The following VOPP1 variants were observed in gnomAD, a reference collection of about 807,000 sequenced individuals.
VOPP1 encodes WW domain binding protein VOPP1.
A neutral mutation model predicts 23.5 loss-of-function variants in VOPP1; 8 were observed. That is an observed-to-expected ratio of 0.34 (90% CI 0.20 to 0.61). The LOEUF (loss-of-function observed/expected upper bound fraction) is 0.61. Ranked by LOEUF, VOPP1 falls within the 20% of genes least tolerant of loss-of-function variation. The probability of loss-of-function intolerance (pLI) is 0.78; values close to 1 mark genes in which losing one functional copy is unlikely to be tolerated. For synonymous variants in VOPP1, 83 were observed against 97.3 expected, an observed-to-expected ratio of 0.85 and a Z score of 0.86; for missense variants, 174 against 238.1, an observed-to-expected ratio of 0.73 and a Z score of 1.77.
intron 1 of VOPP1, among the ~76,000 whole-genome samples, chr7:55,562,603 G>C (rs1476444632): frequency 6.6e-6 from 1 of 152,216 alleles, no homozygotes; most frequent in Non-Finnish European, 1.5e-5. Flanking sequence ...CCAAGGAGCA[G>C]AGTGAGGGGG....
At chr7:55,482,190 A>G (rs556540570) in intron 4 of VOPP1, among the ~76,000 whole-genome samples, 22 of 152,308 alleles carry the variant, frequency 1.4e-4, no homozygotes, top group Non-Finnish European at 1.5e-5. Context: ...ACGCAAAAAA[A>G]AACTGATAAG....
chr7:55,514,560 C>A (rs1321134776), intron 2 of VOPP1, among the ~76,000 whole-genome samples: 2 of 152,176 alleles, frequency 1.3e-5, no homozygotes, highest in African/African-American at 4.8e-5. Flanking sequence ...TTCTATGGGC[C>A]AGGCCCTGAA....
chr7:55,572,361 GGTCGCAGGCGCGCTTCGCGACT>G lies in VOPP1; in HGVS notation c.-59_-38del, dbSNP rs1398925992. The G allele has an allele frequency of 7.7e-7, 1 of 1,301,852 alleles. No homozygotes were observed. Among genetic ancestry groups the G allele is most frequent in the Non-Finnish European group, 9.8e-7 (1 of 1,024,760 alleles). 80.6% of individuals were successfully genotyped at this position (1,301,852 alleles called of 1,614,324 possible). A position where few individuals can be genotyped will look rare whatever the true frequency, so the allele number is the denominator to read the frequency against. On this transcript the variant is annotated 5_prime_UTR_variant, in exon 1 of 5. Coordinates refer to ENST00000285279, the MANE Select transcript of VOPP1 (RefSeq NM_030796.5). ...TCCTCTCCAGCGCGCCCGGACGCCG[GGTCGCAGGCGCGCTTCGCGACT>G]CGGCCCCCGCGCGGGGCGGGCGGGC...
intron 2 of VOPP1, among the ~76,000 whole-genome samples, chr7:55,517,892 C>T (rs995450840): frequency 6.6e-6 from 1 of 152,128 alleles, no homozygotes; most frequent in African/African-American, 2.4e-5. Context: ...TATTAAATAT[C>T]TGGACCGGTG....
intron 1 of VOPP1, among the ~76,000 whole-genome samples, chr7:55,564,439 T>A (rs969647515): frequency 6.6e-6 from 1 of 152,080 alleles, no homozygotes; most frequent in African/African-American, 2.4e-5. Flanking sequence ...ATCTTTCCTC[T>A]CAGTATTAAA....
At position 55,559,087 on chromosome 7, in the gene VOPP1, T is replaced by C. The variant is rs1469648925; in HGVS notation, c.54+13184A>G. Among the ~76,000 whole-genome samples the C allele has an allele frequency of 5.3e-5, 8 of 152,282 alleles. No homozygotes were observed. The East Asian group carries it at 1.2e-3, about 22-fold the overall frequency. On this transcript the variant is annotated intron_variant, in intron 1 of 4. Transcript: ENST00000285279. ...TATCCAGTGGATAGTAACGGTTTTT[T>C]AGTCTGCTCCCTCATCATCAGAGGG...
downstream of VOPP1, among the ~76,000 whole-genome samples, chr7:55,469,693 C>G (rs144065868): frequency 2.9e-3 from 439 of 152,314 alleles, 1 homozygote; most frequent in Non-Finnish European, 4.6e-3. Flanking sequence ...TTACTGCCAG[C>G]ACTGCCTGCT....
chr7:55,455,123 A>T (rs1791334583), intron 4 of VOPP1, among the ~76,000 whole-genome samples: 1 of 152,206 alleles, frequency 6.6e-6, no homozygotes, highest in African/African-American at 2.4e-5. Context: ...CAGGATACAA[A>T]ATCAACACGC....
intron 3 of VOPP1, 143 bp from the exon 4 acceptor site, chr7:55,492,561 C>T: frequency 1.9e-6 from 2 of 1,043,118 alleles, no homozygotes; most frequent in Non-Finnish European, 1.3e-6. Flanking sequence ...AAGGGCAGAG[C>T]CATGAGGCTC....
chr7:55,563,803 T>G (rs141851475), intron 1 of VOPP1, among the ~76,000 whole-genome samples: 1,663 of 152,366 alleles, frequency 0.011, 11 homozygotes, highest in Middle Eastern at 0.024. Flanking sequence ...TTAGGATTTT[T>G]GATTTTCAGA....
At chr7:55,553,648 C>G (rs945529414) in intron 1 of VOPP1, among the ~76,000 whole-genome samples, 2 of 151,790 alleles carry the variant, frequency 1.3e-5, no homozygotes, top group African/African-American at 2.4e-5. Context: ...CACCCCACCC[C>G]TACCACACAA....
chr7:55,488,178 T>C (rs1441743330), intron 4 of VOPP1, among the ~76,000 whole-genome samples: 1 of 152,220 alleles, frequency 6.6e-6, no homozygotes, highest in Non-Finnish European at 1.5e-5. Context: ...GCTGACACTA[T>C]ATGCATAGAT....
intron 1 of VOPP1, among the ~76,000 whole-genome samples, chr7:55,563,948 GA>G (rs916399013): frequency 3.3e-5 from 5 of 152,308 alleles, no homozygotes; most frequent in Non-Finnish European, 7.4e-5. Flanking sequence ...AATTTGGGAG[GA>G]AAGAAATGAG....
At chr7:55,533,592 C>T (rs1796613899) in intron 1 of VOPP1, among the ~76,000 whole-genome samples, 1 of 152,202 alleles carries the variant, frequency 6.6e-6, no homozygotes, top group African/African-American at 2.4e-5. Flanking sequence ...CCTAGGGTCT[C>T]ACTGCCTGGA....
intron 1 of VOPP1, among the ~76,000 whole-genome samples, chr7:55,567,479 AAAT>A (rs543877128): frequency 2.6e-5 from 4 of 152,226 alleles, no homozygotes; most frequent in Non-Finnish European, 5.9e-5. Flanking sequence ...GAGTTCTAGG[AAAT>A]GTCCTTGCCC....
rs142554532 is a variant in VOPP1 at position 55,569,474 on chromosome 7, A to G, written c.54+2797T>C. ...TCCTAACATGTTCCTGTGTGCGCAGACGGCAGAGGAAGCAGAGCATCGAGG... is the reference window on the plus strand; with the variant it reads ...TCCTAACATGTTCCTGTGTGCGCAGGCGGCAGAGGAAGCAGAGCATCGAGG... On this transcript the variant is annotated intron_variant, in intron 1 of 4. Coordinates refer to ENST00000285279, the MANE Select transcript of VOPP1 (RefSeq NM_030796.5). Among the ~76,000 whole-genome samples the G allele has an allele frequency of 3.1e-3, 477 of 152,318 alleles. 2 individuals carry two copies. The highest frequency in any genetic ancestry group is 0.02 in the Middle Eastern group (6 of 294).
At chr7:55,512,910 T>A (rs1377388689) in intron 2 of VOPP1, among the ~76,000 whole-genome samples, 1 of 152,198 alleles carries the variant, frequency 6.6e-6, no homozygotes, top group Non-Finnish European at 1.5e-5. Context: ...CCTGCGCCCC[T>A]AGCAGGCAGG....
chr7:55,468,351 G>C (rs531418986), downstream of VOPP1, among the ~76,000 whole-genome samples: 2 of 152,164 alleles, frequency 1.3e-5, no homozygotes, highest in Admixed American at 1.3e-4. Flanking sequence ...ACATGATGGG[G>C]CCTTTGGAGC....
chr7:55,528,290 C>T (rs538377089), intron 1 of VOPP1, among the ~76,000 whole-genome samples: 4 of 152,194 alleles, frequency 2.6e-5, no homozygotes, highest in African/African-American at 7.2e-5. Context: ...AAGCCATGTA[C>T]CGAAATACTG....
Sources: allele counts gnomAD v4.1 joint callset (sites outside exome capture counted in the v4.1 genomes callset), GRCh38; gene constraint gnomAD v4.1.1; transcripts MANE v1.5; gene names NCBI Gene and HGNC (gene_info 2026-07-23, HGNC 2026-07-21).